HIPK2: variants seen among roughly 807,000 people sequenced by gnomAD.
The protein encoded by HIPK2 is homeodomain-interacting protein kinase 2.
HIPK2 carries 27 observed loss-of-function variants against 113.7 expected under a neutral mutation model. The observed-to-expected ratio is 0.24, with a 90% CI of 0.17 to 0.33. HIPK2 has a LOEUF of 0.33. Ranked by LOEUF, HIPK2 falls within the 10% of genes least tolerant of loss-of-function variation. The probability of loss-of-function intolerance (pLI) is 1.00; values close to 1 mark genes in which losing one functional copy is unlikely to be tolerated. For synonymous variants in HIPK2, 631 were observed against 642.2 expected (o/e 0.98, Z 0.26); for missense variants, 1,257 against 1,588.0 (o/e 0.79, Z 3.54).
chr7:139,623,311 G>T (rs1366143700), intron 6 of HIPK2, among the ~76,000 whole-genome samples: 1 of 152,038 alleles, frequency 6.6e-6, no homozygotes, highest in African/African-American at 2.4e-5. Context: ...AGGAGCTCGA[G>T]ACCAGCCTGG....
chr7:139,763,063 T>C (rs929415805), intron 1 of HIPK2, among the ~76,000 whole-genome samples: 3 of 152,070 alleles, frequency 2.0e-5, no homozygotes, highest in Admixed American at 6.5e-5. Flanking sequence ...AAGGGAAGAC[T>C]GTTGTGTGGG....
intron 2 of HIPK2, among the ~76,000 whole-genome samples, chr7:139,660,378 T>C (rs138595641): frequency 3.6e-4 from 55 of 152,364 alleles, no homozygotes; most frequent in African/African-American, 1.1e-3. Flanking sequence ...TCGCCTATCA[T>C]GTATACCACA....
chr7:139,759,761 C>T (rs188324607), intron 1 of HIPK2, among the ~76,000 whole-genome samples: 13 of 152,008 alleles, frequency 8.6e-5, no homozygotes, highest in Admixed American at 5.9e-4. Context: ...AAATGAAAGA[C>T]GCAAGGGTTA....
At chr7:139,764,249 A>G (rs1474081852) in intron 1 of HIPK2, among the ~76,000 whole-genome samples, 4 of 152,258 alleles carry the variant, frequency 2.6e-5, no homozygotes, top group Non-Finnish European at 4.4e-5. Flanking sequence ...AACTGATACT[A>G]CGTATTGATC....
At chr7:139,628,386 A>G (rs148625188) in intron 5 of HIPK2, among the ~76,000 whole-genome samples, 45 of 152,346 alleles carry the variant, frequency 3.0e-4, no homozygotes, top group Admixed American at 1.0e-3. Context: ...TCATGATAAC[A>G]TCAGGCAGAT....
intron 7 of HIPK2, among the ~76,000 whole-genome samples, chr7:139,614,900 G>T (rs1410416582): frequency 6.6e-6 from 1 of 152,242 alleles, no homozygotes; most frequent in African/African-American, 2.4e-5. Context: ...GTGAGTTGAG[G>T]ACTATGGGAT....
chr7:139,643,728 G>T (rs945278618), intron 2 of HIPK2, among the ~76,000 whole-genome samples: 12 of 152,082 alleles, frequency 7.9e-5, no homozygotes, highest in African/African-American at 2.9e-4. Flanking sequence ...GGGAAGGAAA[G>T]AAGAAAAAAA....
intron 1 of HIPK2, among the ~76,000 whole-genome samples, chr7:139,731,178 G>A (rs1795767787): frequency 6.6e-6 from 1 of 152,218 alleles, no homozygotes; most frequent in Non-Finnish European, 1.5e-5. Flanking sequence ...CTCAAGCTAT[G>A]ATAAAGTATT....
intron 1 of HIPK2, among the ~76,000 whole-genome samples, chr7:139,735,903 GATAA>G (rs1795925637): frequency 6.6e-6 from 1 of 152,198 alleles, no homozygotes; most frequent in African/African-American, 2.4e-5. Flanking sequence ...ATGAAAATAA[GATAA>G]AACAGGACCA....
At chr7:139,774,610 C>T (rs375447762) in intron 1 of HIPK2, among the ~76,000 whole-genome samples, 3 of 152,140 alleles carry the variant, frequency 2.0e-5, no homozygotes, top group African/African-American at 7.2e-5. Context: ...TTGCAGCAGA[C>T]AGTTTTTGGA....
intron 9 of HIPK2, among the ~76,000 whole-genome samples, chr7:139,606,552 T>G (rs1025850119): frequency 2.0e-5 from 3 of 152,166 alleles, no homozygotes; most frequent in African/African-American, 4.8e-5. Context: ...CTAAGTGAAT[T>G]AACAGACTGA....
chr7:139,684,845 A>G (rs1794169583), intron 2 of HIPK2, among the ~76,000 whole-genome samples: 1 of 152,242 alleles, frequency 6.6e-6, no homozygotes, highest in Admixed American at 6.5e-5. Flanking sequence ...GAATGATAAG[A>G]AAGTAAAATG....
At chr7:139,675,877 C>T (rs544207246) in intron 2 of HIPK2, among the ~76,000 whole-genome samples, 16 of 152,310 alleles carry the variant, frequency 1.1e-4, no homozygotes, top group African/African-American at 3.8e-4. Context: ...TCAATGATGC[C>T]TGAACAGATG....
intron 1 of HIPK2, among the ~76,000 whole-genome samples, chr7:139,767,122 C>T (rs780060782): frequency 1.3e-5 from 2 of 152,230 alleles, no homozygotes; most frequent in Non-Finnish European, 2.9e-5. Flanking sequence ...CCATCTGATT[C>T]TAAATATTTC....
In HIPK2 at chr7:139,613,149, A is replaced by G; in HGVS notation, c.2112+53T>C. 3 of 1,603,788 alleles carry G rather than the reference A, an allele frequency of 1.9e-6. No individual in the cohort carries two copies. The highest frequency in any genetic ancestry group is 2.6e-6 in the Non-Finnish European group (3 of 1,173,520). On this transcript the variant is annotated intron_variant, in intron 9 of 14. Coordinates refer to ENST00000406875, the MANE Select transcript of HIPK2 (RefSeq NM_022740.5). The surrounding 1 kb of genome is among the most constrained non-coding windows in gnomAD (Gnocchi z 4.2). Reference sequence around the variant, plus strand: ...GTGGAGATATATATCTTTTGTGAACAACATTAACACAGGTAATGGTAATAC... The same window carrying G: ...GTGGAGATATATATCTTTTGTGAACGACATTAACACAGGTAATGGTAATAC...
intron 2 of HIPK2, among the ~76,000 whole-genome samples, chr7:139,652,684 C>T (rs1013372470): frequency 2.0e-5 from 3 of 152,280 alleles, no homozygotes; most frequent in Admixed American, 2.0e-4. Context: ...CTCTAGTAGA[C>T]CTCAGCGGAC....
chr7:139,583,526 A>G (rs1225172169), intron 13 of HIPK2: 3 of 349,248 alleles, frequency 8.6e-6, no homozygotes, highest in Non-Finnish European at 1.6e-5. Context: ...TCAGGCATAA[A>G]GAACCAGGAG....
At chr7:139,611,586 C>A (rs573588961) in intron 9 of HIPK2, among the ~76,000 whole-genome samples, 1 of 152,160 alleles carries the variant, frequency 6.6e-6, no homozygotes, top group South Asian at 2.1e-4. Context: ...CTGTTGCCCA[C>A]CCTGGAGTGC....
intron 2 of HIPK2, among the ~76,000 whole-genome samples, chr7:139,642,164 T>C (rs1801048995): frequency 6.6e-6 from 1 of 152,188 alleles, no homozygotes; most frequent in Admixed American, 6.5e-5. Context: ...TCAGTATGGC[T>C]GGGGCAGAAG....
Sources: gnomAD v4.1 joint callset for allele counts (sites outside exome capture counted in the v4.1 genomes callset) on GRCh38, gnomAD v4.1.1 for gene constraint, Gnocchi (gnomAD v3.1) non-coding constraint, MANE v1.5 for transcripts, NCBI Gene and HGNC (gene_info 2026-07-23, HGNC 2026-07-21) for gene names.